PDE10A: variants seen among roughly 807,000 people sequenced by gnomAD.
PDE10A encodes the protein phosphodiesterase 10A, also known as cAMP and cAMP-inhibited cGMP 3',5'-cyclic phosphodiesterase 10A.
A neutral mutation model predicts 97.7 loss-of-function variants in PDE10A; 39 were observed. That is an observed-to-expected ratio of 0.40 (90% confidence interval 0.31 to 0.52). The LOEUF (loss-of-function observed/expected upper bound fraction) is 0.52, where lower values mean the gene tolerates loss of function less well. PDE10A is among the 20% of genes least tolerant of loss of function. PDE10A has a pLI of 0.56. For missense variants in PDE10A, 731 were observed against 1,047.8 expected, an observed-to-expected ratio of 0.70 and a Z score of 4.17; for synonymous variants, 371 against 376.8, an observed-to-expected ratio of 0.98 and a Z score of 0.18.
At chr6:165,695,833 G>A (rs1791430100) in intron 1 of PDE10A, among the ~76,000 whole-genome samples, 1 of 152,146 alleles carries the variant, frequency 6.6e-6, no homozygotes, top group Admixed American at 6.5e-5. Flanking sequence ...CTTGAGGTCA[G>A]AAAAAATATC....
At chr6:165,723,200 C>A (rs1409026608) in intron 1 of PDE10A, among the ~76,000 whole-genome samples, 1 of 152,198 alleles carries the variant, frequency 6.6e-6, no homozygotes, top group Non-Finnish European at 1.5e-5. Context: ...CACTTGGAGG[C>A]ACCAGGTGGG....
intron 15 of PDE10A, among the ~76,000 whole-genome samples, chr6:165,393,909 A>G (rs1371456319): frequency 6.6e-6 from 1 of 152,198 alleles, no homozygotes; most frequent in Non-Finnish European, 1.5e-5. Context: ...GTGGGTGGGG[A>G]AAAGATCTGC....
chr6:165,614,846 T>TAAA (rs879601131), intron 1 of PDE10A, among the ~76,000 whole-genome samples: 2 of 141,668 alleles, frequency 1.4e-5, no homozygotes, highest in African/African-American at 2.6e-5. Flanking sequence ...GGCATTCAAT[T>TAAA]AAAAAAAAAA....
intron 2 of PDE10A, among the ~76,000 whole-genome samples, chr6:165,526,842 A>G (rs1323853141): frequency 6.6e-6 from 1 of 152,228 alleles, no homozygotes; most frequent in Non-Finnish European, 1.5e-5. Context: ...TGGCAAAGCC[A>G]GCAATATACC....
intron 1 of PDE10A, among the ~76,000 whole-genome samples, chr6:165,669,829 C>A (rs1424179142): frequency 6.6e-6 from 1 of 152,194 alleles, no homozygotes; most frequent in Non-Finnish European, 1.5e-5. Context: ...ATAAGAAATT[C>A]ATCTGCTGAG....
At chr6:165,658,521 A>G (rs2128429586) in intron 1 of PDE10A, among the ~76,000 whole-genome samples, 1 of 152,258 alleles carries the variant, frequency 6.6e-6, no homozygotes, top group South Asian at 2.1e-4. Flanking sequence ...GTGGCTTCTG[A>G]CTGTTCTCCT....
intron 1 of PDE10A, among the ~76,000 whole-genome samples, chr6:165,933,714 G>T (rs1410288922): frequency 1.3e-5 from 2 of 152,078 alleles, no homozygotes; most frequent in African/African-American, 4.8e-5. Context: ...CACATCTTTT[G>T]GTACAGGATT....
rs180918741 is a variant in PDE10A at position 165,557,125 on chromosome 6, C to A, written c.866-13557G>T. ...CTGCACTCAAGCCTGGGTGACAGAGCAAAACTCCATGTCGAAAAAAAAAAA... is the reference window on the plus strand; with the variant it reads ...CTGCACTCAAGCCTGGGTGACAGAGAAAAACTCCATGTCGAAAAAAAAAAA... On this transcript the variant is annotated intron_variant, in intron 1 of 21. Transcript: ENST00000539869. Among the ~76,000 whole-genome samples the A allele has an allele frequency of 1.2e-3, 180 of 151,386 alleles. 2 individuals are homozygous for A. The East Asian group carries it at 0.027, about 23-fold the overall frequency.
chr6:165,422,422 T>A (rs1788781565), intron 10 of PDE10A, among the ~76,000 whole-genome samples: 1 of 138,608 alleles, frequency 7.2e-6, no homozygotes, highest in South Asian at 2.4e-4. Flanking sequence ...CACATATGCA[T>A]ACACACATAC....
intron 1 of PDE10A, among the ~76,000 whole-genome samples, chr6:165,822,638 G>A (rs891477640): frequency 2.0e-5 from 3 of 152,074 alleles, no homozygotes; most frequent in Non-Finnish European, 4.4e-5. Flanking sequence ...AGAGTGCACC[G>A]GTACAAGACA....
intron 1 of PDE10A, among the ~76,000 whole-genome samples, chr6:165,800,926 C>T (rs892064831): frequency 1.3e-5 from 2 of 152,154 alleles, no homozygotes; most frequent in Non-Finnish European, 2.9e-5. Flanking sequence ...AAATTCCTCT[C>T]GAAACAGAGC....
At chr6:165,381,937 T>C (rs1784962289) in intron 17 of PDE10A, among the ~76,000 whole-genome samples, 1 of 152,190 alleles carries the variant, frequency 6.6e-6, no homozygotes, top group Non-Finnish European at 1.5e-5. Flanking sequence ...ATCCTTATAA[T>C]GCATTATAAT....
intron 2 of PDE10A, among the ~76,000 whole-genome samples, chr6:165,532,359 C>T (rs1428649623): frequency 6.6e-6 from 1 of 151,212 alleles, no homozygotes; most frequent in East Asian, 1.9e-4. Context: ...GCTTGCTAAG[C>T]ATTAGACACA....
chr6:165,518,419 C>T (rs536757452), intron 2 of PDE10A, among the ~76,000 whole-genome samples: 64 of 152,294 alleles, frequency 4.2e-4, no homozygotes, highest in South Asian at 1.4e-3. Flanking sequence ...CTCACACTGG[C>T]CAGCTCCATT....
intron 18 of PDE10A, among the ~76,000 whole-genome samples, chr6:165,367,262 TGC>T (rs1783837682): frequency 7.1e-6 from 1 of 141,652 alleles, no homozygotes; most frequent in Non-Finnish European, 1.5e-5. Flanking sequence ...TGTGTGTGTG[TGC>T]GTGCATCTGT....
Position 165,348,019 on chromosome 6 carries a change from T to C in PDE10A, c.2784-4517A>G, listed in dbSNP as rs1159568339. ...TTGTACCCTTTCTTTGACGTGCACG[T>C]ACCTGTACCCTTTCTTTGACATGCA... On this transcript the variant is annotated intron_variant, in intron 18 of 21. Coordinates refer to ENST00000539869, the MANE Select transcript of PDE10A (RefSeq NM_001385079.1). Among the ~76,000 whole-genome samples, 4 of 152,128 alleles carry C rather than the reference T, an allele frequency of 2.6e-5. No individual in the cohort carries two copies. The East Asian group carries it at 7.8e-4, about 29-fold the overall frequency.
At chr6:165,368,411 A>G (rs972662713) in intron 18 of PDE10A, among the ~76,000 whole-genome samples, 2 of 152,228 alleles carry the variant, frequency 1.3e-5, no homozygotes, top group African/African-American at 4.8e-5. Context: ...TATAGCAGAA[A>G]AGACAAAAAG....
chr6:165,737,920 T>G (rs1161037725), intron 1 of PDE10A, among the ~76,000 whole-genome samples: 1 of 152,118 alleles, frequency 6.6e-6, no homozygotes, highest in Non-Finnish European at 1.5e-5. Context: ...ACTATACAAA[T>G]AAGACATTTA....
At chr6:165,898,746 T>G (rs1197061351) in intron 1 of PDE10A, among the ~76,000 whole-genome samples, 2 of 151,944 alleles carry the variant, frequency 1.3e-5, no homozygotes, top group Non-Finnish European at 2.9e-5. Flanking sequence ...TCCTCTCCAT[T>G]CTTTGTCTCC....
Sources: gnomAD v4.1 joint callset for allele counts (sites outside exome capture counted in the v4.1 genomes callset) on GRCh38, gnomAD v4.1.1 for gene constraint, MANE v1.5 for transcripts, NCBI Gene and HGNC (gene_info 2026-07-23, HGNC 2026-07-21) for gene names.